The following NEGR1 variants were observed in gnomAD, a reference collection of about 807,000 sequenced individuals.
The protein encoded by NEGR1 is IgLON family member 4.
A neutral mutation model predicts 40.9 loss-of-function variants in NEGR1; 10 were observed. That is an observed-to-expected ratio of 0.24 (90% CI 0.15 to 0.42). The LOEUF is 0.42. NEGR1 is among the 10% of genes least tolerant of loss of function. The probability of loss-of-function intolerance (pLI) is 1.00; values close to 1 mark genes in which losing one functional copy is unlikely to be tolerated. For synonymous variants in NEGR1, 185 were observed against 166.8 expected, an observed-to-expected ratio of 1.11 and a Z score of -0.84; for missense variants, 352 against 438.9, an observed-to-expected ratio of 0.80 and a Z score of 1.77.
chr1:71,910,041 A>T (rs1036039262), intron 2 of NEGR1, among the ~76,000 whole-genome samples: 1 of 152,218 alleles, frequency 6.6e-6, no homozygotes, highest in African/African-American at 2.4e-5. Context: ...GTAAGACAGT[A>T]CATCTTTTTG....
chr1:71,708,977 T>A (rs1449361214), intron 3 of NEGR1, among the ~76,000 whole-genome samples: 1 of 152,228 alleles, frequency 6.6e-6, no homozygotes, highest in Admixed American at 6.5e-5. Flanking sequence ...ATATTTTCTT[T>A]ATTCAGTCTA....
At chr1:71,474,717 C>CAAAAAAAAAAAAAAAAAAAAAAAAAAA (rs56219737) in intron 6 of NEGR1, among the ~76,000 whole-genome samples, 4 of 86,030 alleles carry the variant, frequency 4.6e-5, no homozygotes, top group Non-Finnish European at 8.8e-5. Flanking sequence ...GACTCTATCT[C>CAAAAAAAAAAAAAAAAAAAAAAAAAAA]AAAAAAAAAA....
At chr1:71,466,551 G>C (rs910020364) in intron 6 of NEGR1, among the ~76,000 whole-genome samples, 4 of 152,040 alleles carry the variant, frequency 2.6e-5, no homozygotes, top group Non-Finnish European at 4.4e-5. Flanking sequence ...GAGAGTACTG[G>C]GAAGTGCAGC....
At chr1:72,123,666 C>T (rs79753967) in intron 1 of NEGR1, among the ~76,000 whole-genome samples, 2,433 of 151,846 alleles carry the variant, frequency 0.016, 65 homozygotes, top group African/African-American at 0.056. Flanking sequence ...AGAAGCTTTA[C>T]CTCATTTGTA....
chr1:71,475,797 C>G (rs1349692148), intron 6 of NEGR1, among the ~76,000 whole-genome samples: 1 of 151,966 alleles, frequency 6.6e-6, no homozygotes, highest in Non-Finnish European at 1.5e-5. Context: ...TTCTTTCTCT[C>G]TGGCAAAAAT....
At chr1:72,236,052 G>C (rs963878832) in intron 1 of NEGR1, among the ~76,000 whole-genome samples, 1 of 152,052 alleles carries the variant, frequency 6.6e-6, no homozygotes, top group African/African-American at 2.4e-5. Context: ...ATCAATGATA[G>C]ACTGGGTAAA....
chr1:71,797,565 G>T (rs1440241362), intron 2 of NEGR1, among the ~76,000 whole-genome samples: 1 of 152,040 alleles, frequency 6.6e-6, no homozygotes, highest in African/African-American at 2.4e-5. Flanking sequence ...GTGATTTAGA[G>T]GAAAATGTAT....
intron 1 of NEGR1, among the ~76,000 whole-genome samples, chr1:72,082,324 T>A (rs1449061128): frequency 5.3e-5 from 8 of 152,116 alleles, no homozygotes; most frequent in African/African-American, 1.9e-4. Context: ...CTTAAGAAGA[T>A]GACAGTAAGG....
chr1:72,255,854 A>T (rs571496156), intron 1 of NEGR1, among the ~76,000 whole-genome samples: 2 of 152,074 alleles, frequency 1.3e-5, no homozygotes, highest in Non-Finnish European at 2.9e-5. Flanking sequence ...CAGCCAATAC[A>T]TCTTAATTTT....
intron 1 of NEGR1, among the ~76,000 whole-genome samples, chr1:72,255,661 A>G (rs1655247315): frequency 6.8e-6 from 1 of 146,724 alleles, no homozygotes; most frequent in Non-Finnish European, 1.5e-5. Context: ...AGCAATTCCC[A>G]GCCTCAGCCT....
At chr1:71,638,090 C>G (rs1453807189) in intron 4 of NEGR1, among the ~76,000 whole-genome samples, 1 of 152,058 alleles carries the variant, frequency 6.6e-6, no homozygotes, top group East Asian at 1.9e-4. Flanking sequence ...AATTGTCTCA[C>G]TCAGAAATTC....
At chr1:71,863,987 C>T (rs1177948000) in intron 2 of NEGR1, among the ~76,000 whole-genome samples, 1 of 152,096 alleles carries the variant, frequency 6.6e-6, no homozygotes, top group Non-Finnish European at 1.5e-5. Flanking sequence ...AACTGAAACT[C>T]ACCAAAGTAA....
At chr1:71,673,180 A>G (rs1169054279) in intron 4 of NEGR1, among the ~76,000 whole-genome samples, 1 of 152,144 alleles carries the variant, frequency 6.6e-6, no homozygotes, top group African/African-American at 2.4e-5. Flanking sequence ...CAGAGCTTGC[A>G]GTGAACCAAG....
intron 4 of NEGR1, among the ~76,000 whole-genome samples, chr1:71,659,651 A>G (rs1304611773): frequency 2.6e-5 from 4 of 152,190 alleles, no homozygotes; most frequent in Non-Finnish European, 5.9e-5. Context: ...CAACCCCACT[A>G]AAAGGTGGGC....
chr1:72,097,401 C>T (rs2100235817), intron 1 of NEGR1, among the ~76,000 whole-genome samples: 1 of 152,172 alleles, frequency 6.6e-6, no homozygotes, highest in East Asian at 1.9e-4. Flanking sequence ...ATGTAAATTG[C>T]CTAGGAAAGA....
chr1:72,222,817 T>C (rs945378550), intron 1 of NEGR1, among the ~76,000 whole-genome samples: 1 of 151,870 alleles, frequency 6.6e-6, no homozygotes, highest in African/African-American at 2.4e-5. Flanking sequence ...GAAACCATAA[T>C]GGGAATGTTG....
At chr1:72,130,571 A>G (rs1171939714) in intron 1 of NEGR1, among the ~76,000 whole-genome samples, 2 of 152,080 alleles carry the variant, frequency 1.3e-5, no homozygotes, top group African/African-American at 2.4e-5. Context: ...TCTCCAGACA[A>G]TTTGGGGCAG....
chr1:72,042,201 G>A (rs1646962851), intron 1 of NEGR1, among the ~76,000 whole-genome samples: 1 of 151,538 alleles, frequency 6.6e-6, no homozygotes, highest in Non-Finnish European at 1.5e-5. Context: ...GAGGCAAGGT[G>A]GTCATGTTGG....
chr1:72,120,530 T>C (rs1273149634), intron 1 of NEGR1, among the ~76,000 whole-genome samples: 1 of 151,908 alleles, frequency 6.6e-6, no homozygotes. Context: ...TTTATCATAC[T>C]TTAAGTTTTA....
Sources: gnomAD v4.1 joint callset for allele counts (sites outside exome capture counted in the v4.1 genomes callset) on GRCh38, gnomAD v4.1.1 for gene constraint, MANE v1.5 for transcripts, NCBI Gene and HGNC (gene_info 2026-07-23, HGNC 2026-07-21) for gene names.